The following FBN3 variants were observed in gnomAD, a reference collection of about 807,000 sequenced individuals.
The protein encoded by FBN3 is fibrillin-3.
In FBN3, 234 loss-of-function variants were observed where a neutral mutation model predicts 330.1. The observed-to-expected ratio is 0.71, with a 90% CI of 0.64 to 0.79. The LOEUF is 0.79. FBN3 is among the 30% of genes least tolerant of loss of function. The pLI, the probability that FBN3 is intolerant of heterozygous loss-of-function variation, is 0.00. For synonymous variants in FBN3, 1,458 were observed against 1,517.3 expected, an observed-to-expected ratio of 0.96 and a Z score of 0.91; for missense variants, 3,606 against 3,886.9, an observed-to-expected ratio of 0.93 and a Z score of 1.92.
intron 37 of FBN3, among the ~76,000 whole-genome samples, chr19:8,107,951 TC>T (rs1445191227): frequency 6.6e-6 from 1 of 151,842 alleles, no homozygotes; most frequent in African/African-American, 2.4e-5. Context: ...AATGAAAAGA[TC>T]AATAAACCAA....
Position 8,065,997 on chromosome 19 carries a change from G to C in FBN3, c.8352C>G (p.Pro2784=), listed in dbSNP as rs1202309114. Residue 2784 remains proline (P), a synonymous_variant, in exon 64 of 64, where the codon CCC becomes CCG. Transcript: ENST00000600128. ...RLEVVSHMAG[P]WGVQPEGQPG... The stretch of plus-strand genomic sequence containing the variant: ...GCTGCCCCTCTGGCTGGACACCCCA[G>C]GGTCCTGCCATGTGGCTCACCACCT... 6.2e-7 allele frequency: 1 copy of C among 1,612,976 alleles called. No homozygotes were observed. The highest frequency in any genetic ancestry group is 1.7e-5 in the Admixed American group (1 of 60,032).
chr19:8,132,829 T>G (rs1349928073), intron 14 of FBN3, among the ~76,000 whole-genome samples, 155 bp downstream of exon 14: 1 of 152,078 alleles, frequency 6.6e-6, no homozygotes, highest in Admixed American at 6.6e-5. Context: ...GCTTCTCCCC[T>G]TTTCCCTCCT....
intron 18 of FBN3, 93 bp from the exon 19 acceptor site, chr19:8,126,925 G>A: frequency 7.0e-7 from 1 of 1,425,620 alleles, no homozygotes; most frequent in Non-Finnish European, 9.3e-7. Context: ...GCCGCAACCG[G>A]TGGCACGGGG....
At chr19:8,097,944 G>A (rs2082245395) in intron 41 of FBN3, among the ~76,000 whole-genome samples, 1 of 152,228 alleles carries the variant, frequency 6.6e-6, no homozygotes, top group African/African-American at 2.4e-5. Context: ...CAAATCAATA[G>A]AGACAGAAAG....
At chr19:8,135,935 T>TTGGGGGGGGGGGGGGGGGGGGCGCGC in intron 13 of FBN3, 26 bp downstream of exon 13, 1 of 1,344,156 alleles carries the variant, frequency 7.4e-7, no homozygotes, top group Non-Finnish European at 1.0e-6. Flanking sequence ...CGGAAGCCCC[T>TTGGGGGGGGGGGGGGGGGGGGCGCGC]GCCCACCCGC....
chr19:8,080,498 C>G (rs563954423), intron 59 of FBN3, among the ~76,000 whole-genome samples: 1 of 152,274 alleles, frequency 6.6e-6, no homozygotes, highest in Admixed American at 6.5e-5. Flanking sequence ...GGCGAGAGGG[C>G]CTCTCTCCTC....
chr19:8,079,849 C>A (rs1285899747), intron 59 of FBN3, among the ~76,000 whole-genome samples: 1 of 152,174 alleles, frequency 6.6e-6, no homozygotes, highest in Non-Finnish European at 1.5e-5. Flanking sequence ...CTCAGCCTCC[C>A]AAAGTGATGG....
chr19:8,141,793 G>A lies in FBN3; in HGVS notation c.789C>T (p.Cys263=), dbSNP rs763427387. Residue 263 remains cysteine (C), a synonymous_variant, in exon 8 of 64, where the codon TGC becomes TGT. Transcript: ENST00000600128. ...AATGGAAGGAGCCCACCATGTTGAC[G>A]CAGCTGCCTCCCTGGCACAGGCCTG... ...AVPGLCQGGS[C]VNMVGSFHCR... is the part of the protein sequence containing the mutation. 34 of 1,614,012 alleles carry A rather than the reference G, an allele frequency of 2.1e-5. No homozygotes were observed. Among genetic ancestry groups the A allele is most frequent in the South Asian group, 1.3e-4 (12 of 91,092 alleles).
Position 8,103,562 on chromosome 19 carries a change from C to T in FBN3, c.4939G>A (p.Asp1647Asn). 1 of 1,612,850 alleles carries T rather than the reference C, an allele frequency of 6.2e-7. No homozygotes were observed. The highest frequency in any genetic ancestry group is 1.7e-5 in the Admixed American group (1 of 59,918). Residue 1647 changes from aspartate (D) to asparagine (N), a missense_variant and splice_region_variant, in exon 39 of 64, where the codon GAT (aspartate) becomes AAT (asparagine). Asp to Asn is a conservative substitution (Grantham distance 23). Transcript: ENST00000600128. Reference sequence around the variant, plus strand: ...TTCCCTAGGTCATCACGCTTCTTACCCATGCAGTTGTTGCCACCATTGACT... The same window carrying T: ...TTCCCTAGGTCATCACGCTTCTTACTCATGCAGTTGTTGCCACCATTGACT... ...LQVNGGNNCM[D>N]MRKSVCFRHY...
At chr19:8,120,851 G>C (rs2082830292) in intron 25 of FBN3, among the ~76,000 whole-genome samples, 3 of 152,186 alleles carry the variant, frequency 2.0e-5, no homozygotes, top group Non-Finnish European at 2.9e-5. Flanking sequence ...CAAGGAAAGA[G>C]GGCTCCCTGG....
intron 51 of FBN3, among the ~76,000 whole-genome samples, chr19:8,088,967 C>T (rs553961034): frequency 2.7e-5 from 4 of 150,578 alleles, no homozygotes; most frequent in South Asian, 4.2e-4. Context: ...AATGAACAAG[C>T]GAAGGAATGA....
Position 8,088,126 on chromosome 19 carries a change from C to T in FBN3, c.6430G>A (p.Val2144Ile). The T allele has an allele frequency of 1.2e-6, 2 of 1,613,836 alleles. No individual in the cohort carries two copies. The highest frequency in any genetic ancestry group is 1.7e-6 in the Non-Finnish European group (2 of 1,179,922). ...HPCGQGTCTN[V>I]IGGFECACAD... is the part of the protein sequence containing the mutation. ...CAGGCACATTCGAAGCCTCCGATGA[C>T]ATTGGTGCATGTCCCTTGCCCACAG... Residue 2144 changes from valine to isoleucine, a missense_variant, in exon 52 of 64, where the codon GTC becomes ATC. Val to Ile is a conservative substitution (Grantham distance 29). Coordinates refer to ENST00000600128, the MANE Select transcript of FBN3 (RefSeq NM_032447.5).
intron 24 of FBN3, among the ~76,000 whole-genome samples, chr19:8,122,655 T>A (rs1226596263): frequency 6.8e-6 from 1 of 146,142 alleles, no homozygotes; most frequent in East Asian, 2.0e-4. Context: ...GTGTGATCCA[T>A]CGCACCTGGC....
intron 37 of FBN3, among the ~76,000 whole-genome samples, chr19:8,107,474 AGGATGGATGGAT>A (rs150449542): frequency 6.3e-5 from 9 of 143,122 alleles, no homozygotes; most frequent in African/African-American, 1.3e-4. Flanking sequence ...GTCGAGTGGA[AGGATGGATGGAT>A]GGATGGATGG....
chr19:8,146,919 G>A (rs1487820726), intron 3 of FBN3, among the ~76,000 whole-genome samples, 185 bp downstream of exon 3: 2 of 152,182 alleles, frequency 1.3e-5, no homozygotes, highest in Non-Finnish European at 2.9e-5. Context: ...GAGGTTGTAG[G>A]GCAAAGGAAA....
At chr19:8,136,775 C>A (rs555834821) in intron 10 of FBN3, among the ~76,000 whole-genome samples, 1 of 149,820 alleles carries the variant, frequency 6.7e-6, no homozygotes, top group African/African-American at 2.5e-5. Context: ...CAACCTGGGG[C>A]CTGGATCCCT....
intron 59 of FBN3, among the ~76,000 whole-genome samples, chr19:8,076,071 G>A (rs1267891044): frequency 6.6e-6 from 1 of 152,156 alleles, no homozygotes; most frequent in African/African-American, 2.4e-5. Flanking sequence ...CAGAAAGCTT[G>A]CTCTGTCTCT....
intron 14 of FBN3, 26 bp downstream of exon 14, chr19:8,132,958 G>T (rs369872407): frequency 5.9e-6 from 9 of 1,529,010 alleles, no homozygotes; most frequent in Non-Finnish European, 7.9e-6. Flanking sequence ...TCTCCCCTCC[G>T]CTGGCCAGTC....
chr19:8,067,923 G>A (rs181710478), intron 63 of FBN3, among the ~76,000 whole-genome samples: 17 of 151,518 alleles, frequency 1.1e-4, no homozygotes, highest in African/African-American at 3.9e-4. Flanking sequence ...AATTAACCAG[G>A]TGTGGTGTTG....
Sources: gnomAD v4.1 joint callset for allele counts (sites outside exome capture counted in the v4.1 genomes callset) on GRCh38, gnomAD v4.1.1 for gene constraint, MANE v1.5 for transcripts, NCBI Gene and HGNC (gene_info 2026-07-23, HGNC 2026-07-21) for gene names.